Variants in PVT1 observed in about 807,000 individuals in gnomAD.
PVT1 encodes Pvt1 oncogene, also known as CXCR4/PVT1 fusion.
At chr8:127,958,975 G>A (rs1206252274) in intron 3 of PVT1, among the ~76,000 whole-genome samples, 1 of 149,238 alleles carries the variant, frequency 6.7e-6, no homozygotes, top group African/African-American at 2.4e-5. Flanking sequence ...ACAGCACCAA[G>A]ATGGGAACCC....
intron 4 of PVT1, among the ~76,000 whole-genome samples, chr8:128,027,301 T>C (rs1425664047): frequency 6.6e-6 from 1 of 152,166 alleles, no homozygotes; most frequent in Non-Finnish European, 1.5e-5. Flanking sequence ...AGTGCCAGGC[T>C]CTGTGCTCAG....
chr8:127,920,811 A>G (rs1160402448), intron 3 of PVT1, among the ~76,000 whole-genome samples: 2 of 152,250 alleles, frequency 1.3e-5, no homozygotes, highest in African/African-American at 4.8e-5. Flanking sequence ...AAAAAATTGT[A>G]AAACCATAGT....
intron 2 of PVT1, among the ~76,000 whole-genome samples, chr8:127,888,578 G>T (rs963303945): frequency 6.6e-6 from 1 of 152,252 alleles, no homozygotes; most frequent in African/African-American, 2.4e-5. Flanking sequence ...TCATCTGGGT[G>T]AGCCCAATAT....
chr8:127,814,482 CATTT>C (rs1189039760), intron 2 of PVT1, among the ~76,000 whole-genome samples: 1 of 152,174 alleles, frequency 6.6e-6, no homozygotes, highest in African/African-American at 2.4e-5. Context: ...AATTTACTCT[CATTT>C]ATTTAGCTCC....
At chr8:127,899,815 T>C (rs1815736413) in intron 3 of PVT1, among the ~76,000 whole-genome samples, 1 of 152,150 alleles carries the variant, frequency 6.6e-6, no homozygotes, top group Non-Finnish European at 1.5e-5. Context: ...CTTCCTTGGC[T>C]TTCCACTGTC....
At chr8:127,858,038 T>A (rs972578400) in intron 2 of PVT1, among the ~76,000 whole-genome samples, 7 of 152,192 alleles carry the variant, frequency 4.6e-5, no homozygotes, top group Non-Finnish European at 1.0e-4. Context: ...TCCATGATTC[T>A]GAATTCAGTT....
intron 4 of PVT1, among the ~76,000 whole-genome samples, chr8:128,064,155 T>C (rs1441185314): frequency 6.6e-6 from 1 of 152,200 alleles, no homozygotes; most frequent in African/African-American, 2.4e-5. Flanking sequence ...CAGAAACACC[T>C]TCAGTCTTCA....
At chr8:128,006,663 A>G (rs1476304876) in intron 4 of PVT1, among the ~76,000 whole-genome samples, 3 of 152,180 alleles carry the variant, frequency 2.0e-5, no homozygotes, top group South Asian at 2.1e-4. Flanking sequence ...TACTTCCATC[A>G]TTACTCCTAC....
At chr8:127,975,880 G>C (rs1241924433) in intron 3 of PVT1, among the ~76,000 whole-genome samples, 1 of 152,050 alleles carries the variant, frequency 6.6e-6, no homozygotes, top group African/African-American at 2.4e-5. Flanking sequence ...GTTTTTTCTG[G>C]TTTTCTCTTG....
At chr8:127,806,243 A>C (rs1297071464) in intron 2 of PVT1, among the ~76,000 whole-genome samples, 1 of 152,158 alleles carries the variant, frequency 6.6e-6, no homozygotes, top group Non-Finnish European at 1.5e-5. Flanking sequence ...CGGGCGGATC[A>C]CAAGGTCAGG....
intron 4 of PVT1, among the ~76,000 whole-genome samples, chr8:128,043,527 A>G (rs1376857597): frequency 6.6e-6 from 1 of 152,126 alleles, no homozygotes; most frequent in African/African-American, 2.4e-5. Flanking sequence ...TCGCTCATAG[A>G]AGGAGATGGC....
chr8:127,984,806 C>T (rs1406604313), intron 3 of PVT1, among the ~76,000 whole-genome samples: 1 of 151,186 alleles, frequency 6.6e-6, no homozygotes, highest in East Asian at 1.9e-4. Context: ...AGGGGTCTCG[C>T]CATGTTGGCC....
At chr8:127,917,182 C>A (rs184592401) in intron 3 of PVT1, among the ~76,000 whole-genome samples, 1 of 152,118 alleles carries the variant, frequency 6.6e-6, no homozygotes, top group African/African-American at 2.4e-5. Context: ...TTTCTGCCTG[C>A]GCTACCATCT....
intron 4 of PVT1, among the ~76,000 whole-genome samples, chr8:128,055,690 G>A (rs147678582): frequency 1.4e-3 from 211 of 152,282 alleles, no homozygotes; most frequent in African/African-American, 3.8e-3. Flanking sequence ...ATTTGGAATC[G>A]GTGTGTGGCT....
intron 4 of PVT1, among the ~76,000 whole-genome samples, chr8:128,032,194 C>T (rs1179780529): frequency 6.6e-6 from 1 of 152,140 alleles, no homozygotes; most frequent in Admixed American, 6.6e-5. Context: ...CTGTGAGGCC[C>T]AGAGCTGAGG....
At chr8:128,083,776 G>T (rs1421908839) in intron 5 of PVT1, among the ~76,000 whole-genome samples, 1 of 152,164 alleles carries the variant, frequency 6.6e-6, no homozygotes, top group Non-Finnish European at 1.5e-5. Flanking sequence ...ATGCAGTGAG[G>T]GTCAAGATCC....
intron 4 of PVT1, among the ~76,000 whole-genome samples, chr8:128,050,481 A>G (rs1445614833): frequency 6.6e-6 from 1 of 152,228 alleles, no homozygotes. Context: ...GTGGGGAATC[A>G]GTTCTGGTAA....
chr8:127,949,379 C>CTGTG (rs61425056), intron 3 of PVT1, among the ~76,000 whole-genome samples: 8,797 of 111,190 alleles, frequency 0.079, 697 homozygotes, highest in African/African-American at 0.18. Context: ...ACTCCAGGAG[C>CTGTG]TGTGTGTGTG....
intron 4 of PVT1, among the ~76,000 whole-genome samples, chr8:128,041,213 GTT>G (rs1167379857): frequency 2.5e-3 from 67 of 27,002 alleles, no homozygotes; most frequent in Admixed American, 6.7e-3. Flanking sequence ...TTGCATGTGT[GTT>G]TGTGTGTGTG....
Sources: gnomAD v4.1 joint callset for allele counts (sites outside exome capture counted in the v4.1 genomes callset) on GRCh38, gnomAD v4.1.1 for gene constraint, MANE v1.5 for transcripts, NCBI Gene and HGNC (gene_info 2026-07-23, HGNC 2026-07-21) for gene names.